The following WDPCP variants were observed in gnomAD, a reference collection of about 807,000 sequenced individuals.
WDPCP encodes the protein WD repeat-containing and planar cell polarity effector protein fritz homolog.
WDPCP carries 71 observed loss-of-function variants against 93.1 expected under a neutral mutation model. The observed-to-expected ratio is 0.76, with a 90% CI of 0.63 to 0.93. The LOEUF (loss-of-function observed/expected upper bound fraction) is 0.93. WDPCP is among the 40% of genes least tolerant of loss of function. The probability of loss-of-function intolerance (pLI) is 0.00; values close to 1 mark genes in which losing one functional copy is unlikely to be tolerated. For missense variants in WDPCP, 844 were observed against 887.4 expected (o/e 0.95, Z 0.62); for synonymous variants, 315 against 315.0 (o/e 1.00, Z 0.00).
chr2:63,624,696 C>T (rs1258809360), intron 3 of WDPCP, among the ~76,000 whole-genome samples: 1 of 152,072 alleles, frequency 6.6e-6, no homozygotes, highest in Non-Finnish European at 1.5e-5. Context: ...TAATAGCTTA[C>T]CAACCAAAAA....
intron 1 of WDPCP, among the ~76,000 whole-genome samples, chr2:63,820,835 A>C (rs1205952686): frequency 6.6e-6 from 1 of 152,020 alleles, no homozygotes; most frequent in African/African-American, 2.4e-5. Flanking sequence ...AATTACACAA[A>C]CCTTAAAGTA....
At chr2:63,568,288 A>T (rs1329295243) in intron 1 of WDPCP, among the ~76,000 whole-genome samples, 1 of 152,048 alleles carries the variant, frequency 6.6e-6, no homozygotes, top group East Asian at 1.9e-4. Flanking sequence ...TAATATAACT[A>T]CTTTAGGTTA....
At chr2:63,135,866 G>A (rs2103633528) in intron 17 of WDPCP, among the ~76,000 whole-genome samples, 1 of 152,148 alleles carries the variant, frequency 6.6e-6, no homozygotes, top group South Asian at 2.1e-4. Flanking sequence ...TGAGTAGCTG[G>A]GACTACAGGC....
chr2:63,128,310 T>C (rs1039557693), intron 17 of WDPCP, among the ~76,000 whole-genome samples: 1 of 152,118 alleles, frequency 6.6e-6, no homozygotes, highest in Non-Finnish European at 1.5e-5. Context: ...CTCAAACATG[T>C]AGCCCCAAGA....
chr2:63,602,938 T>TG (rs1371602963), intron 3 of WDPCP, among the ~76,000 whole-genome samples: 8 of 2,484 alleles, frequency 3.2e-3, no homozygotes, highest in African/African-American at 9.1e-3. Flanking sequence ...ACCGTTCTTT[T>TG]TTTTTTTTTT....
chr2:63,176,475 T>C lies in WDPCP; in HGVS notation c.1916-1643A>G, dbSNP rs529327004. ...TAGGTTGCCCAGGCTGGTCTTGAACTCCTGGGGTCAAGCAATCTTCCCACT... is the reference window on the plus strand; with the variant it reads ...TAGGTTGCCCAGGCTGGTCTTGAACCCCTGGGGTCAAGCAATCTTCCCACT... On this transcript the variant is annotated intron_variant, in intron 14 of 17. Coordinates refer to ENST00000272321, the MANE Select transcript of WDPCP (RefSeq NM_015910.7). 1.4e-3 allele frequency among the ~76,000 whole-genome samples: 208 copies of C among 152,276 alleles called. 2 individuals carry two copies. The highest frequency in any genetic ancestry group is 2.4e-3 in the Non-Finnish European group (164 of 68,026).
chr2:63,691,460 C>T (rs1668887131), intron 2 of WDPCP, among the ~76,000 whole-genome samples: 1 of 152,064 alleles, frequency 6.6e-6, no homozygotes. Context: ...CACGTTGAAA[C>T]CCCACCTCCA....
In WDPCP at chr2:63,317,408, C is replaced by CA. The variant is rs35537195; in HGVS notation, c.1749-4098dup. On this transcript the variant is annotated intron_variant, in intron 12 of 17. Transcript: ENST00000272321. ...GGGCAACAAAAGTGAAACTACATCT[C>CA]AAAAAAAAAAAAAAATTATATGGAA... Among the ~76,000 whole-genome samples the CA allele has an allele frequency of 4.7e-3, 631 of 134,990 alleles. 8 individuals are homozygous for CA. The highest frequency in any genetic ancestry group is 0.012 in the South Asian group (51 of 4,140). 88.6% of individuals were successfully genotyped at this position (134,990 alleles called of 152,430 possible). A position where few individuals can be genotyped will look rare whatever the true frequency, so the allele number is the denominator to read the frequency against.
intron 12 of WDPCP, among the ~76,000 whole-genome samples, chr2:63,338,560 AAAAAAAAAAATATATATATAT>A (rs1309648969): frequency 2.8e-4 from 17 of 60,830 alleles, no homozygotes; most frequent in African/African-American, 6.2e-4. Flanking sequence ...CTAAAAAAAA[AAAAAAAAAAATATATATATAT>A]ATATATATAT....
intron 14 of WDPCP, among the ~76,000 whole-genome samples, chr2:63,258,395 C>T (rs1483784243): frequency 1.3e-5 from 2 of 152,126 alleles, no homozygotes; most frequent in Non-Finnish European, 2.9e-5. Context: ...GCTTTGAGTC[C>T]TTCAGTACCA....
intron 1 of WDPCP, among the ~76,000 whole-genome samples, chr2:63,505,229 T>C (rs1379650240): frequency 6.6e-6 from 1 of 152,076 alleles, no homozygotes; most frequent in East Asian, 1.9e-4. Flanking sequence ...TACTAACGGT[T>C]TGTCACAGTG....
intron 1 of WDPCP, among the ~76,000 whole-genome samples, chr2:63,542,240 G>A (rs1704797724): frequency 6.6e-6 from 1 of 152,112 alleles, no homozygotes; most frequent in Non-Finnish European, 1.5e-5. Context: ...TGGGAAGGAA[G>A]CATTTTTTTT....
intron 6 of WDPCP, among the ~76,000 whole-genome samples, chr2:63,459,564 G>A (rs928811268): frequency 6.6e-6 from 1 of 152,184 alleles, no homozygotes; most frequent in African/African-American, 2.4e-5. Context: ...CTTATATACT[G>A]TTGGTTGGAA....
Position 63,437,502 on chromosome 2 carries a change from T to G in WDPCP, c.552A>C (p.Leu184=). The change falls in exon 8 of 18, where the codon CTA becomes CTC. Residue 184 remains leucine, a synonymous_variant. Coordinates refer to ENST00000272321, the MANE Select transcript of WDPCP (RefSeq NM_015910.7). The part of the protein sequence containing the change: ...IILSFLAQNK[L]CFIQFTKKME... ...TCTTCTTGGTAAACTGAATAAAACATAGTTTGTTTTGTGCCAAAAATGATA... is the reference window on the plus strand; with the variant it reads ...TCTTCTTGGTAAACTGAATAAAACAGAGTTTGTTTTGTGCCAAAAATGATA... 6.3e-7 allele frequency: 1 copy of G among 1,598,718 alleles called. No homozygotes were observed. The highest frequency in any genetic ancestry group is 1.3e-5 in the African/African-American group (1 of 74,360).
chr2:63,310,330 G>A (rs1048889968), intron 13 of WDPCP, among the ~76,000 whole-genome samples: 3 of 152,036 alleles, frequency 2.0e-5, no homozygotes, highest in African/African-American at 7.3e-5. Flanking sequence ...TTACTATGAG[G>A]TTGCTGGACC....
intron 12 of WDPCP, chr2:63,360,041 C>T (rs1690327724): frequency 1.3e-5 from 2 of 152,208 alleles, no homozygotes; most frequent in Admixed American, 1.3e-4. Flanking sequence ...GATCACATCA[C>T]TGCACTCCAG....
intron 3 of WDPCP, among the ~76,000 whole-genome samples, chr2:63,603,028 C>T (rs1263642525): frequency 3.0e-5 from 4 of 132,112 alleles, no homozygotes; most frequent in Non-Finnish European, 4.8e-5. Flanking sequence ...GGCACGATCT[C>T]GGCTCACTGC....
In WDPCP at chr2:63,594,647, T is replaced by A. The variant is rs76809739; in HGVS notation, n.488+56012A>T. ...AGTAAGAATATGGTTAATAAAAATC[T>A]GTATTTAGTTGTACACAAATTGTTA... On this transcript the variant is annotated intron_variant and non_coding_transcript_variant, in intron 3 of 4. Transcript: ENST00000467687. 4.2e-4 allele frequency: 485 copies of A among 1,152,904 alleles called. 2 individuals carry two copies. The African/African-American group carries it at 6.8e-3, about 16-fold the overall frequency. The allele number at this position is 1,152,904 out of a possible 1,614,324, so 71.4% of individuals were successfully genotyped here. A position where few individuals can be genotyped will look rare whatever the true frequency, so the allele number is the denominator to read the frequency against.
intron 2 of WDPCP, among the ~76,000 whole-genome samples, chr2:63,687,984 T>C (rs928556125): frequency 1.3e-5 from 2 of 152,184 alleles, no homozygotes; most frequent in South Asian, 2.1e-4. Context: ...GGTACTTACA[T>C]ACAATGGAGT....
Sources: allele counts gnomAD v4.1 joint callset (sites outside exome capture counted in the v4.1 genomes callset), GRCh38; gene constraint gnomAD v4.1.1; transcripts MANE v1.5; gene names NCBI Gene and HGNC (gene_info 2026-07-23, HGNC 2026-07-21).